POT1: variants seen among roughly 807,000 people sequenced by gnomAD.
POT1 encodes the protein protection of telomeres 1.
A neutral mutation model predicts 78.5 loss-of-function variants in POT1; 47 were observed. The observed-to-expected ratio is 0.60, with a 90% CI of 0.47 to 0.76. POT1 has a LOEUF of 0.76. Ranked by LOEUF, POT1 falls within the 30% of genes least tolerant of loss-of-function variation. The pLI is 0.00. For missense variants in POT1, 646 were observed against 749.9 expected (o/e 0.86, Z 1.62); for synonymous variants, 259 against 260.7 (o/e 0.99, Z 0.06).
At chr7:124,844,328 C>T (rs1795107397) in intron 12 of POT1, among the ~76,000 whole-genome samples, 1 of 151,380 alleles carries the variant, frequency 6.6e-6, no homozygotes, top group South Asian at 2.1e-4. Context: ...GGGGTTTCTC[C>T]ATGTTGGTCA....
chr7:124,855,218 C>CAAAAAAAAAAA (rs550056711), intron 9 of POT1, among the ~76,000 whole-genome samples: 4 of 52,494 alleles, frequency 7.6e-5, no homozygotes, highest in South Asian at 1.0e-3. Context: ...GAGAGGAGAG[C>CAAAAAAAAAAA]AAAAAAAAAA....
intron 4 of POT1, among the ~76,000 whole-genome samples, chr7:124,897,627 A>G (rs965372426): frequency 6.6e-6 from 1 of 151,860 alleles, no homozygotes; most frequent in Non-Finnish European, 1.5e-5. Flanking sequence ...AAAAATCAAT[A>G]AGGAAGTGCT....
At chr7:124,858,796 T>C (rs1373136825) in intron 9 of POT1, 161 bp downstream of exon 9, 1 of 452,834 alleles carries the variant, frequency 2.2e-6, no homozygotes, top group Non-Finnish European at 3.7e-6. Flanking sequence ...CTTTTAATAA[T>C]TTATTGTAAC....
intron 6 of POT1, among the ~76,000 whole-genome samples, chr7:124,885,140 T>C (rs1190038274): frequency 6.6e-6 from 1 of 152,064 alleles, no homozygotes; most frequent in Admixed American, 6.6e-5. Flanking sequence ...GCACAGTACG[T>C]ATCATTGATG....
chr7:124,890,568 T>C (rs1446065356), intron 6 of POT1, among the ~76,000 whole-genome samples: 1 of 151,840 alleles, frequency 6.6e-6, no homozygotes, highest in South Asian at 2.1e-4. Context: ...AACTTCAGTA[T>C]TGTCTTATTT....
chr7:124,912,673 T>TC (rs1796919505), intron 3 of POT1, among the ~76,000 whole-genome samples: 1 of 152,204 alleles, frequency 6.6e-6, no homozygotes, highest in Admixed American at 6.5e-5. Context: ...GCCTGACTCC[T>TC]CATAGGTATT....
intron 3 of POT1, among the ~76,000 whole-genome samples, chr7:124,908,287 G>A (rs1796812164): frequency 6.6e-6 from 1 of 151,974 alleles, no homozygotes; most frequent in Non-Finnish European, 1.5e-5. Flanking sequence ...CTATAAAAAT[G>A]TATTTCATGA....
rs181030669 is a variant in POT1 at position 124,851,093 on chromosome 7, T to C, written c.949+779A>G. Among the ~76,000 whole-genome samples the C allele has an allele frequency of 1.4e-3, 207 of 152,092 alleles. 1 individual carries two copies. The highest frequency in any genetic ancestry group is 4.2e-3 in the African/African-American group (176 of 41,488). ...GGTCGAGACCAGTCTGGGCAACATA[T>C]AGTGAGATCCTGTTTCTACCAAAAA... On this transcript the variant is annotated intron_variant, in intron 11 of 18. Coordinates refer to ENST00000357628, the MANE Select transcript of POT1 (RefSeq NM_015450.3).
At chr7:124,855,218 C>CAAAAAAAAAAAAAA (rs550056711) in intron 9 of POT1, among the ~76,000 whole-genome samples, 4 of 52,488 alleles carry the variant, frequency 7.6e-5, no homozygotes, top group East Asian at 5.7e-4. Flanking sequence ...GAGAGGAGAG[C>CAAAAAAAAAAAAAA]AAAAAAAAAA....
At chr7:124,901,867 T>C (rs560132619) in intron 3 of POT1, among the ~76,000 whole-genome samples, 41 of 152,048 alleles carry the variant, frequency 2.7e-4, no homozygotes, top group Middle Eastern at 3.2e-3. Context: ...GCACAAGAAC[T>C]ACATGATGCA....
At position 124,846,966 on chromosome 7, in the gene POT1, T is replaced by C. The variant is rs1795184644; in HGVS notation, c.982A>G (p.Arg328Gly). 1 of 1,606,146 alleles carries C rather than the reference T, an allele frequency of 6.2e-7. No individual in the cohort carries two copies. The highest frequency in any genetic ancestry group is 8.5e-7 in the Non-Finnish European group (1 of 1,172,990). The stretch of plus-strand genomic sequence containing the variant: ...CTTGTAGCAGATAGCTGTTGACATC[T>C]TTCTACCTCGTATAATGATACTGAT... ...SGSVSLYEVERCQQLSATILT... is the reference protein window; with the variant it reads ...SGSVSLYEVEGCQQLSATILT... The change falls in exon 12 of 19, where the codon AGA (arginine) becomes GGA (glycine). Residue 328 changes from arginine to glycine, a missense_variant. Around this residue, in one of 2 missense-constraint regions of POT1, gnomAD observed 394 missense variants for 408.4 expected, o/e 0.96. Transcript: ENST00000357628.
At chr7:124,915,082 TAA>T (rs1461893151) in intron 3 of POT1, among the ~76,000 whole-genome samples, 1 of 152,186 alleles carries the variant, frequency 6.6e-6, no homozygotes, top group African/African-American at 2.4e-5. Flanking sequence ...AGACAAGAAC[TAA>T]GTTTTGTTCA....
rs1796370867 is a variant in POT1 at position 124,891,491 on chromosome 7, G to A, written c.124+775C>T. On this transcript the variant is annotated intron_variant, in intron 6 of 18. Transcript: ENST00000357628. The stretch of plus-strand genomic sequence containing the variant: ...TCAGCTACTCTATGATTTTTTATTA[G>A]GTAATTTAATTCATTTATAATAATA... 2.0e-5 allele frequency among the ~76,000 whole-genome samples: 3 copies of A among 150,876 alleles called. No individual in the cohort carries two copies. The South Asian group carries it at 6.2e-4, about 31-fold the overall frequency.
At chr7:124,848,915 G>A (rs570447425) in intron 11 of POT1, among the ~76,000 whole-genome samples, 2 of 152,070 alleles carry the variant, frequency 1.3e-5, no homozygotes, top group Non-Finnish European at 2.9e-5. Flanking sequence ...TCAAAAATAG[G>A]ATTTTACTCT....
chr7:124,890,012 C>A lies in POT1; in HGVS notation c.124+2254G>T, dbSNP rs528526932. Among the ~76,000 whole-genome samples the A allele has an allele frequency of 2.0e-5, 3 of 151,992 alleles. No homozygotes were observed. In the South Asian group the frequency reaches 6.2e-4, roughly 32 times the overall value. ...AATACCTTTTATAAGGCTATACCCA[C>A]CATAGATAGCAATCCTTCTGATGGA... On this transcript the variant is annotated intron_variant, in intron 6 of 18. Transcript: ENST00000357628.
intron 3 of POT1, among the ~76,000 whole-genome samples, chr7:124,902,806 G>T (rs1796655945): frequency 6.6e-6 from 1 of 152,016 alleles, no homozygotes; most frequent in Admixed American, 6.6e-5. Flanking sequence ...ACAAACATAG[G>T]CTCAAATTAA....
rs1330070498 is a variant in POT1, at chr7:124,892,356, T to C, written c.34A>G (p.Thr12Ala). The change falls in exon 6 of 19, where the codon ACA becomes GCA. Residue 12 changes from threonine (T) to alanine (A), a missense_variant. Physicochemically the swap from Thr to Ala is moderately conservative, Grantham distance 58. Transcript: ENST00000357628. The stretch of plus-strand genomic sequence containing the variant: ...CCACCCTTAAGTTGATTCAGGGGTG[T>C]ATATATATAATTTGTTGCTGGAACC... ...SLVPATNYIY[T>A]PLNQLKGGTI... 1 of 1,488,270 alleles carries C rather than the reference T, an allele frequency of 6.7e-7. No individual in the cohort carries two copies. The highest frequency in any genetic ancestry group is 8.9e-7 in the Non-Finnish European group (1 of 1,123,978). The allele number at this position is 1,488,270 out of a possible 1,614,324, so 92.2% of individuals were successfully genotyped here.
At chr7:124,870,148 A>T (rs1795832882) in intron 7 of POT1, among the ~76,000 whole-genome samples, 1 of 152,168 alleles carries the variant, frequency 6.6e-6, no homozygotes, top group African/African-American at 2.4e-5. Context: ...TTTAAAATCT[A>T]AGGGACTGAA....
chr7:124,852,604 T>C (rs1344666701), intron 10 of POT1, among the ~76,000 whole-genome samples: 2 of 152,130 alleles, frequency 1.3e-5, no homozygotes, highest in Non-Finnish European at 2.9e-5. Flanking sequence ...CAGAAATACA[T>C]TTTTTTCATG....
Sources: allele counts gnomAD v4.1 joint callset (sites outside exome capture counted in the v4.1 genomes callset), GRCh38; gene constraint gnomAD v4.1.1; regional missense constraint gnomAD v4.1.1; transcripts MANE v1.5; gene names NCBI Gene and HGNC (gene_info 2026-07-23, HGNC 2026-07-21).